Variants in GLI3 observed in about 807,000 individuals in gnomAD.
GLI3 encodes the protein GLI family zinc finger 3.
A neutral mutation model predicts 100.8 loss-of-function variants in GLI3; 20 were observed. The ratio of observed to expected loss-of-function variants is 0.20; its 90% CI spans 0.14 to 0.29. GLI3 has a LOEUF of 0.29. Among genes scored for constraint, GLI3 ranks in the 10% least tolerant of loss-of-function variants. The pLI is 1.00. For synonymous variants in GLI3, 938 were observed against 860.5 expected (o/e 1.09, Z -1.58); for missense variants, 2,040 against 2,128.5 (o/e 0.96, Z 0.82).
intron 2 of GLI3, among the ~76,000 whole-genome samples, chr7:42,194,449 C>T (rs1787886963): frequency 6.6e-6 from 1 of 152,162 alleles, no homozygotes; most frequent in Admixed American, 6.5e-5. Context: ...TCTGGCTCTG[C>T]TTCTTGGACT....
intron 12 of GLI3, 99 bp downstream of exon 12, chr7:41,977,459 G>A: frequency 1.5e-6 from 2 of 1,299,880 alleles, no homozygotes; most frequent in Admixed American, 1.9e-5. Flanking sequence ...AATGGCCAAG[G>A]GGAAAACAAA....
At position 42,002,668 on chromosome 7, in the gene GLI3, A is replaced by G. The variant is rs563102867; in HGVS notation, c.1497+20800T>C. On this transcript the variant is annotated intron_variant, in intron 10 of 14. Coordinates refer to ENST00000395925, the MANE Select transcript of GLI3 (RefSeq NM_000168.6). The stretch of plus-strand genomic sequence containing the variant: ...ACCTCAATAAAATATTTAAATCTCT[A>G]TCGTCAAGATAAAATTATAAAATTG... 5.9e-5 allele frequency among the ~76,000 whole-genome samples: 9 copies of G among 152,346 alleles called. No homozygotes were observed. The South Asian group carries it at 8.3e-4, about 14-fold the overall frequency.
At chr7:42,249,218 G>A (rs1789006571) in intron 1 of GLI3, among the ~76,000 whole-genome samples, 1 of 152,120 alleles carries the variant, frequency 6.6e-6, no homozygotes, top group Non-Finnish European at 1.5e-5. Flanking sequence ...GTATCCACAT[G>A]AACTATTGCG....
At chr7:42,218,458 G>A (rs1226677769) in intron 2 of GLI3, among the ~76,000 whole-genome samples, 2 of 146,224 alleles carry the variant, frequency 1.4e-5, no homozygotes, top group East Asian at 4.8e-4. Context: ...TACTTTTAAA[G>A]GCAAAAACCG....
At chr7:41,987,608 T>C (rs1002790961) in intron 10 of GLI3, among the ~76,000 whole-genome samples, 2 of 152,172 alleles carry the variant, frequency 1.3e-5, no homozygotes, top group African/African-American at 4.8e-5. Context: ...AGTGGAAAGA[T>C]GGAGAAACCT....
At chr7:42,129,094 A>T (rs1786207736) in intron 3 of GLI3, among the ~76,000 whole-genome samples, 1 of 152,258 alleles carries the variant, frequency 6.6e-6, no homozygotes, top group Non-Finnish European at 1.5e-5. Flanking sequence ...TGTAGTAATG[A>T]TAAAATAACA....
chr7:41,995,054 C>T (rs988573997), intron 10 of GLI3, among the ~76,000 whole-genome samples: 6 of 152,220 alleles, frequency 3.9e-5, no homozygotes, highest in African/African-American at 1.4e-4. Flanking sequence ...ACTCAATGTT[C>T]GGCCAAATTT....
intron 2 of GLI3, among the ~76,000 whole-genome samples, chr7:42,180,652 G>A (rs1562774721): frequency 6.6e-6 from 1 of 152,214 alleles, no homozygotes; most frequent in Non-Finnish European, 1.5e-5. Context: ...TCATCTGTGG[G>A]AGGCAGTGGG....
intron 4 of GLI3, among the ~76,000 whole-genome samples, chr7:42,049,428 C>T (rs1784309016): frequency 6.6e-6 from 1 of 152,190 alleles, no homozygotes. Context: ...TCTGCTCAAG[C>T]CCTTTTCCAT....
intron 4 of GLI3, among the ~76,000 whole-genome samples, chr7:42,072,026 T>C (rs1357164820): frequency 6.6e-6 from 1 of 152,180 alleles, no homozygotes; most frequent in Non-Finnish European, 1.5e-5. Flanking sequence ...GAGTGCTCAT[T>C]TTCCCTAAGA....
At chr7:42,211,603 T>C (rs548375096) in intron 2 of GLI3, among the ~76,000 whole-genome samples, 1 of 152,366 alleles carries the variant, frequency 6.6e-6, no homozygotes, top group African/African-American at 2.4e-5. Flanking sequence ...GTTCTAAATC[T>C]TTCTGGAAGT....
intron 10 of GLI3, among the ~76,000 whole-genome samples, chr7:41,983,710 C>T (rs1787736618): frequency 6.6e-6 from 1 of 152,144 alleles, no homozygotes; most frequent in South Asian, 2.1e-4. Flanking sequence ...CATGCCAACT[C>T]TCTCGGCGCA....
At chr7:42,229,813 T>C (rs1002158442) in intron 1 of GLI3, among the ~76,000 whole-genome samples, 1 of 152,208 alleles carries the variant, frequency 6.6e-6, no homozygotes. Context: ...TAATGTTGAT[T>C]TGAACTTTTT....
intron 2 of GLI3, among the ~76,000 whole-genome samples, chr7:42,220,009 C>T (rs968156084): frequency 4.6e-5 from 7 of 152,132 alleles, no homozygotes; most frequent in Middle Eastern, 3.4e-3. Context: ...ACCCGCCACA[C>T]GCCCAGCTAA....
chr7:42,171,745 T>C (rs1271710563), intron 2 of GLI3, among the ~76,000 whole-genome samples: 1 of 152,248 alleles, frequency 6.6e-6, no homozygotes, highest in Non-Finnish European at 1.5e-5. Flanking sequence ...CACTGAGTCC[T>C]TAGAGAATTC....
At chr7:42,003,779 C>T (rs578241516) in intron 10 of GLI3, among the ~76,000 whole-genome samples, 42 of 152,220 alleles carry the variant, frequency 2.8e-4, no homozygotes, top group South Asian at 6.2e-4. Flanking sequence ...TATTATGCTA[C>T]GTAAGGCACT....
chr7:42,112,799 TG>T (rs57591208), intron 3 of GLI3, among the ~76,000 whole-genome samples: 11,481 of 152,168 alleles, frequency 0.075, 1,350 homozygotes, highest in African/African-American at 0.25. Flanking sequence ...GGTGCATATC[TG>T]GGCACCAGGA....
intron 2 of GLI3, among the ~76,000 whole-genome samples, chr7:42,172,840 A>C (rs1221590952): frequency 6.6e-6 from 1 of 152,104 alleles, no homozygotes. Flanking sequence ...ACCTAATATC[A>C]CTCTCACAGC....
At chr7:42,004,912 G>T (rs1788407610) in intron 10 of GLI3, among the ~76,000 whole-genome samples, 1 of 152,042 alleles carries the variant, frequency 6.6e-6, no homozygotes. Flanking sequence ...TCAGTTATTT[G>T]GTTTTAAAAA....
Sources: allele counts gnomAD v4.1 joint callset (sites outside exome capture counted in the v4.1 genomes callset), GRCh38; gene constraint gnomAD v4.1.1; transcripts MANE v1.5; gene names NCBI Gene and HGNC (gene_info 2026-07-23, HGNC 2026-07-21).